The following THSD4 variants were observed in gnomAD, a reference collection of about 807,000 sequenced individuals.
The protein encoded by THSD4 is thrombospondin type-1 domain-containing protein 4.
Under a neutral mutation model 119.0 loss-of-function variants are expected in THSD4, and 69 were observed. That is an observed-to-expected ratio of 0.58 (90% confidence interval 0.48 to 0.71). THSD4 has a LOEUF of 0.71. THSD4 is among the 30% of genes least tolerant of loss of function. The pLI is 0.00. For missense variants in THSD4, 1,393 were observed against 1,391.1 expected (o/e 1.00, Z -0.02); for synonymous variants, 524 against 540.4 (o/e 0.97, Z 0.42).
intron 2 of THSD4, among the ~76,000 whole-genome samples, chr15:71,145,003 T>C (rs955883242): frequency 2.0e-5 from 3 of 152,068 alleles, no homozygotes; most frequent in Non-Finnish European, 4.4e-5. Flanking sequence ...TGCTCCAAAT[T>C]ATGCACTTTT....
At chr15:71,701,304 G>A (rs1595875230) in intron 8 of THSD4, among the ~76,000 whole-genome samples, 1 of 152,162 alleles carries the variant, frequency 6.6e-6, no homozygotes, top group Non-Finnish European at 1.5e-5. Context: ...AATTCAGATT[G>A]TTACAGTGGG....
At chr15:71,640,067 C>T (rs567217084) in intron 7 of THSD4, among the ~76,000 whole-genome samples, 5 of 152,102 alleles carry the variant, frequency 3.3e-5, no homozygotes, top group East Asian at 3.9e-4. Flanking sequence ...GTGGTAACAA[C>T]GGCAACTTTT....
chr15:71,104,593 T>A (rs1384349732), intron 1 of THSD4, among the ~76,000 whole-genome samples: 1 of 152,142 alleles, frequency 6.6e-6, no homozygotes, highest in Admixed American at 6.5e-5. Context: ...TCTCAATAGG[T>A]CCTGAGAAAG....
intron 7 of THSD4, among the ~76,000 whole-genome samples, chr15:71,502,792 T>A (rs1032367927): frequency 7.2e-5 from 11 of 152,168 alleles, no homozygotes; most frequent in Non-Finnish European, 1.5e-5. Flanking sequence ...GGAAATGTCT[T>A]AAGTGAGAGT....
chr15:71,658,350 C>G (rs1185925931), intron 7 of THSD4, among the ~76,000 whole-genome samples: 1 of 152,164 alleles, frequency 6.6e-6, no homozygotes, highest in Non-Finnish European at 1.5e-5. Flanking sequence ...TTCCCTTTAA[C>G]AGAAGGACCC....
At chr15:71,136,266 A>G (rs1261583914) in intron 1 of THSD4, among the ~76,000 whole-genome samples, 3 of 152,090 alleles carry the variant, frequency 2.0e-5, no homozygotes, top group Non-Finnish European at 4.4e-5. Flanking sequence ...TCGGGAGCCA[A>G]CGTCCTGATG....
chr15:71,518,762 A>T (rs1014844654), intron 7 of THSD4, among the ~76,000 whole-genome samples: 1 of 152,162 alleles, frequency 6.6e-6, no homozygotes, highest in African/African-American at 2.4e-5. Context: ...CAGAGCTCGG[A>T]TTCAAACCCA....
intron 7 of THSD4, among the ~76,000 whole-genome samples, chr15:71,568,892 A>G (rs190790959): frequency 3.4e-4 from 52 of 152,302 alleles, no homozygotes; most frequent in African/African-American, 1.1e-3. Context: ...CTTTTTTAAG[A>G]ACAATCTTTA....
chr15:71,248,594 G>T (rs992047346), intron 5 of THSD4, among the ~76,000 whole-genome samples: 1 of 152,154 alleles, frequency 6.6e-6, no homozygotes, highest in African/African-American at 2.4e-5. Flanking sequence ...GCAGCTTTTA[G>T]CAAACATGGA....
intron 3 of THSD4, among the ~76,000 whole-genome samples, chr15:71,212,768 G>T (rs1276477353): frequency 1.3e-5 from 2 of 152,254 alleles, no homozygotes; most frequent in African/African-American, 4.8e-5. Context: ...CGGAGGACAA[G>T]ACATAAAGTC....
At chr15:71,303,856 T>C (rs146434144) in intron 6 of THSD4, among the ~76,000 whole-genome samples, 1,929 of 152,246 alleles carry the variant, frequency 0.013, 44 homozygotes, top group African/African-American at 0.045. Flanking sequence ...TCCAGACCCC[T>C]CCCAGGAGTT....
At chr15:71,241,737 C>G (rs1276568820) in intron 4 of THSD4, among the ~76,000 whole-genome samples, 1 of 152,108 alleles carries the variant, frequency 6.6e-6, no homozygotes, top group African/African-American at 2.4e-5. Flanking sequence ...CTGCCCACGT[C>G]CCCCGCCCCA....
chr15:71,380,675 T>A (rs2046217194), intron 6 of THSD4, among the ~76,000 whole-genome samples: 1 of 152,026 alleles, frequency 6.6e-6, no homozygotes, highest in Non-Finnish European at 1.5e-5. Flanking sequence ...TTGATGGCAA[T>A]CAAGGGACCC....
At chr15:71,146,546 T>G (rs2040663760) in intron 2 of THSD4, among the ~76,000 whole-genome samples, 1 of 152,166 alleles carries the variant, frequency 6.6e-6, no homozygotes, top group Non-Finnish European at 1.5e-5. Flanking sequence ...TTCTTTCTTC[T>G]TGTGCTTGCT....
Position 71,215,320 on chromosome 15 carries a change from G to T in THSD4, c.385G>T (p.Ala129Ser). The T allele has an allele frequency of 2.6e-6, 4 of 1,529,412 alleles. No homozygotes were observed. Among genetic ancestry groups the T allele is most frequent in the Non-Finnish European group, 2.6e-6 (3 of 1,144,374 alleles). 94.7% of individuals were successfully genotyped at this position (1,529,412 alleles called of 1,614,324 possible). ...GACGCCAGCGCTGGCCGGTACGGAC[G>T]CCAGCCGCCAGGGCCCCACGGTGCT... is the stretch of plus-strand genomic sequence containing the variant. ...DETPALAGTD[A>S]SRQGPTVLRG... The change falls in exon 4 of 18, where the codon GCC (alanine) becomes TCC (serine). Residue 129 changes from alanine (A) to serine (S), a missense_variant. Transcript: ENST00000261862.
At chr15:71,140,864 C>A (rs926608526) in intron 1 of THSD4, among the ~76,000 whole-genome samples, 26 of 152,190 alleles carry the variant, frequency 1.7e-4, no homozygotes, top group African/African-American at 5.8e-4. Context: ...CTCCTCCCAA[C>A]CCCCAATCCC....
intron 6 of THSD4, among the ~76,000 whole-genome samples, chr15:71,261,236 G>A (rs1480828584): frequency 6.6e-6 from 1 of 152,178 alleles, no homozygotes; most frequent in Non-Finnish European, 1.5e-5. Flanking sequence ...CAGACAGGGG[G>A]AAGACAGCCC....
intron 3 of THSD4, among the ~76,000 whole-genome samples, chr15:71,164,557 G>T (rs1461685196): frequency 6.6e-6 from 1 of 151,990 alleles, no homozygotes; most frequent in Non-Finnish European, 1.5e-5. Context: ...ACTGTACCAA[G>T]CAAGGTTAGT....
intron 7 of THSD4, among the ~76,000 whole-genome samples, chr15:71,599,320 C>G (rs2049964681): frequency 6.6e-6 from 1 of 152,024 alleles, no homozygotes; most frequent in Non-Finnish European, 1.5e-5. Context: ...GGATGCTTGT[C>G]CCCTGCGGAG....
Sources: allele counts gnomAD v4.1 joint callset (sites outside exome capture counted in the v4.1 genomes callset), GRCh38; gene constraint gnomAD v4.1.1; transcripts MANE v1.5; gene names NCBI Gene and HGNC (gene_info 2026-07-23, HGNC 2026-07-21).